UBE2R2: variants seen among roughly 807,000 people sequenced by gnomAD.
UBE2R2 encodes ubiquitin-conjugating enzyme E2 R2.
A neutral mutation model predicts 27.8 loss-of-function variants in UBE2R2; 1 was observed. That is an observed-to-expected ratio of 0.04 (90% CI 0.01 to 0.17). The LOEUF (loss-of-function observed/expected upper bound fraction) is 0.17. UBE2R2 is among the 10% of genes least tolerant of loss of function. UBE2R2 has a pLI of 1.00. For missense variants in UBE2R2, 100 were observed against 291.0 expected (o/e 0.34, Z 4.78); for synonymous variants, 106 against 113.3 (o/e 0.94, Z 0.41).
At chr9:33,908,158 G>A (rs1013567093) in intron 3 of UBE2R2, among the ~76,000 whole-genome samples, 2 of 152,196 alleles carry the variant, frequency 1.3e-5, no homozygotes, top group South Asian at 2.1e-4. Flanking sequence ...TCAATTTTGT[G>A]TATTCCAACA....
chr9:33,865,314 C>T (rs1821336983), intron 1 of UBE2R2, among the ~76,000 whole-genome samples: 1 of 152,114 alleles, frequency 6.6e-6, no homozygotes, highest in South Asian at 2.1e-4. Flanking sequence ...CAGCGATTCT[C>T]CTGCCTCAGC....
chr9:33,861,855 T>C (rs940124429), intron 1 of UBE2R2, among the ~76,000 whole-genome samples: 2 of 146,562 alleles, frequency 1.4e-5, no homozygotes, highest in East Asian at 3.9e-4. Flanking sequence ...TTCTTTTTTT[T>C]TTTTTTTTTT....
At position 33,909,419 on chromosome 9, in the gene UBE2R2, C is replaced by T. The variant is rs556759966; in HGVS notation, c.363-2545C>T. On this transcript the variant is annotated intron_variant, in intron 3 of 4. Transcript: ENST00000263228. ...AGGGAAATCGCTTGAACCCGGGAGGCGGAGGTTGCAGTGAGCCAAGATCAC... is the reference window on the plus strand; with the variant it reads ...AGGGAAATCGCTTGAACCCGGGAGGTGGAGGTTGCAGTGAGCCAAGATCAC... 2.8e-4 allele frequency among the ~76,000 whole-genome samples: 42 copies of T among 152,218 alleles called. No individual in the cohort carries two copies. In the South Asian group the frequency reaches 6.0e-3, roughly 22 times the overall value.
chr9:33,906,749 T>A (rs1455043330), intron 3 of UBE2R2, among the ~76,000 whole-genome samples: 4 of 152,124 alleles, frequency 2.6e-5, no homozygotes, highest in African/African-American at 9.7e-5. Flanking sequence ...CTTAAATACT[T>A]CTTTAGGCCA....
chr9:33,890,645 A>C (rs1428837030), intron 2 of UBE2R2, among the ~76,000 whole-genome samples: 2 of 151,994 alleles, frequency 1.3e-5, no homozygotes, highest in African/African-American at 4.8e-5. Flanking sequence ...CTCCGTCTCC[A>C]CTAAAAATAC....
rs143152173 is a variant in UBE2R2 at position 33,881,982 on chromosome 9, C to T, written c.178-4899C>T. Among the ~76,000 whole-genome samples the T allele has an allele frequency of 2.1e-3, 321 of 152,302 alleles. 3 individuals are homozygous for T. Among genetic ancestry groups the T allele is most frequent in the African/African-American group, 7.4e-3 (307 of 41,570 alleles). ...ACTGTAAGGAAGATTTGACCCTTCT[C>T]CACCAGTATTTTTCCATTCAGTAAT... On this transcript the variant is annotated intron_variant, in intron 1 of 4. Coordinates refer to ENST00000263228, the MANE Select transcript of UBE2R2 (RefSeq NM_017811.4).
intron 1 of UBE2R2, among the ~76,000 whole-genome samples, chr9:33,875,479 C>A (rs1821583326): frequency 6.6e-6 from 1 of 152,122 alleles, no homozygotes. Context: ...TGGTGCCACA[C>A]CCCTGTAGTC....
intron 1 of UBE2R2, among the ~76,000 whole-genome samples, chr9:33,846,518 T>C (rs991471201): frequency 2.6e-5 from 4 of 152,054 alleles, no homozygotes; most frequent in South Asian, 2.1e-4. Flanking sequence ...CTCTCTCTCT[T>C]TTTTGGTTTT....
chr9:33,900,342 A>G, intron 3 of UBE2R2, 71 bp downstream of exon 3: 1 of 1,120,600 alleles, frequency 8.9e-7, no homozygotes, highest in African/African-American at 1.5e-5. Flanking sequence ...AAATAAAATT[A>G]TGTATTGTCT....
At chr9:33,861,853 T>TC (rs1821244645) in intron 1 of UBE2R2, among the ~76,000 whole-genome samples, 1 of 146,302 alleles carries the variant, frequency 6.8e-6, no homozygotes. Context: ...CTTTCTTTTT[T>TC]TTTTTTTTTT....
intron 2 of UBE2R2, among the ~76,000 whole-genome samples, chr9:33,890,118 T>C (rs1261416119): frequency 1.3e-5 from 2 of 151,514 alleles, no homozygotes; most frequent in Non-Finnish European, 1.5e-5. Flanking sequence ...GGTAGGTAAT[T>C]ACACTCCCCT....
chr9:33,886,653 T>TAAA (rs11404304), intron 1 of UBE2R2, among the ~76,000 whole-genome samples: 1,670 of 118,600 alleles, frequency 0.014, 35 homozygotes, highest in Admixed American at 0.038. Context: ...GACTCCGTCT[T>TAAA]AAAAAAAAAA....
At chr9:33,873,561 A>T (rs893209108) in intron 1 of UBE2R2, among the ~76,000 whole-genome samples, 1 of 152,202 alleles carries the variant, frequency 6.6e-6, no homozygotes, top group East Asian at 1.9e-4. Flanking sequence ...AAGGCTATCA[A>T]ACTTCTTAAG....
chr9:33,906,105 C>CGTTGCT (rs1331250017), intron 3 of UBE2R2, among the ~76,000 whole-genome samples: 18 of 138,510 alleles, frequency 1.3e-4, no homozygotes, highest in Non-Finnish European at 2.3e-4. Context: ...TCGTCGTCGT[C>CGTTGCT]GTTGTTGCTG....
rs71506137 is a variant in UBE2R2 at position 33,822,096 on chromosome 9, A to ATAT, written c.177+4163_177+4164insATT. Among the ~76,000 whole-genome samples the ATAT allele has an allele frequency of 6.1e-3, 888 of 145,086 alleles. 13 individuals carry two copies. The highest frequency in any genetic ancestry group is 0.02 in the African/African-American group (800 of 39,508). On this transcript the variant is annotated intron_variant, in intron 1 of 4. Coordinates refer to ENST00000263228, the MANE Select transcript of UBE2R2 (RefSeq NM_017811.4). ...TCAACACTGACATATATATATATAT[A>ATAT]TTTTTTTTTTTTGAGACTGAGTTTT...
At chr9:33,867,060 T>G (rs545448653) in intron 1 of UBE2R2, among the ~76,000 whole-genome samples, 3 of 152,240 alleles carry the variant, frequency 2.0e-5, no homozygotes, top group South Asian at 4.1e-4. Context: ...ATATTCCTGG[T>G]TTTTTTGGTG....
At chr9:33,915,289 T>C (rs1822615622) in intron 4 of UBE2R2, among the ~76,000 whole-genome samples, 1 of 152,194 alleles carries the variant, frequency 6.6e-6, no homozygotes, top group Non-Finnish European at 1.5e-5. Flanking sequence ...TGCTCATTTA[T>C]TCAGAGAAGT....
chr9:33,817,920 G>A lies in UBE2R2; in HGVS notation c.163G>A (p.Gly55Ser). The A allele has an allele frequency of 6.2e-7, 1 of 1,608,836 alleles. No homozygotes were observed. The highest frequency in any genetic ancestry group is 8.5e-7 in the Non-Finnish European group (1 of 1,177,210). Residue 55 changes from glycine to serine, a missense_variant, in exon 1 of 5, where the codon GGC becomes AGC. Gly to Ser is a moderately conservative substitution (Grantham distance 56). Coordinates refer to ENST00000263228, the MANE Select transcript of UBE2R2 (RefSeq NM_017811.4). ...IFGPPNTLYE[G>S]GYFKAHIKFP... ...CGGACCCCCCAACACCCTCTACGAAGGCGGCTACTTCAAGGTACCCTCACC... is the reference window on the plus strand; with the variant it reads ...CGGACCCCCCAACACCCTCTACGAAAGCGGCTACTTCAAGGTACCCTCACC...
At chr9:33,862,559 T>C (rs556046415) in intron 1 of UBE2R2, among the ~76,000 whole-genome samples, 1 of 152,324 alleles carries the variant, frequency 6.6e-6, no homozygotes, top group South Asian at 2.1e-4. Context: ...AAAAATGCTA[T>C]CCTATATTTT....
Sources: allele counts gnomAD v4.1 joint callset (sites outside exome capture counted in the v4.1 genomes callset), GRCh38; gene constraint gnomAD v4.1.1; transcripts MANE v1.5; gene names NCBI Gene and HGNC (gene_info 2026-07-23, HGNC 2026-07-21).